B4GALNT3: variants seen among roughly 807,000 people sequenced by gnomAD.
B4GALNT3 encodes the protein beta-1,4-N-acetylgalactosaminyltransferase 3.
Under a neutral mutation model 120.2 loss-of-function variants are expected in B4GALNT3, and 86 were observed. The observed-to-expected ratio is 0.72, with a 90% CI of 0.60 to 0.86. B4GALNT3 has a LOEUF of 0.86. B4GALNT3 is among the 40% of genes least tolerant of loss of function. The pLI is 0.00. For missense variants in B4GALNT3, 1,167 were observed against 1,298.9 expected (o/e 0.90, Z 1.56); for synonymous variants, 518 against 510.4 (o/e 1.01, Z -0.20).
rs140115052 is a variant in B4GALNT3 at position 556,596 on chromosome 12, C to T, written c.2110C>T (p.Leu704=). 1 of 1,614,044 alleles carries T rather than the reference C, an allele frequency of 6.2e-7. No individual in the cohort carries two copies. Among genetic ancestry groups the T allele is most frequent in the Non-Finnish European group, 8.5e-7 (1 of 1,180,024 alleles). The change falls in exon 15 of 20, where the codon CTA becomes TTA. Residue 704 remains leucine, a synonymous_variant. Coordinates refer to ENST00000266383, the MANE Select transcript of B4GALNT3 (RefSeq NM_173593.4). ...GAACGTGGAAAAGCGTCAGGACCAG[C>T]TACGTGGGGGTCGCTACCTCCTGGA... ...IVNVEKRQDQ[L]RGGRYLLELE...
At chr12:544,238 G>A (rs1386560843) in intron 3 of B4GALNT3, 101 bp from the exon 4 acceptor site, 2 of 1,081,142 alleles carry the variant, frequency 1.8e-6, no homozygotes, top group African/African-American at 1.6e-5. Flanking sequence ...TGGAGCTGAG[G>A]GTCTGGGGCG....
chr12:472,550 G>A (rs1946146644), intron 1 of B4GALNT3, among the ~76,000 whole-genome samples: 1 of 152,070 alleles, frequency 6.6e-6, no homozygotes, highest in Non-Finnish European at 1.5e-5. Flanking sequence ...CCATTCTCCT[G>A]CCTCAGCCTC....
intron 1 of B4GALNT3, among the ~76,000 whole-genome samples, chr12:461,708 C>G (rs967006464): frequency 3.3e-5 from 5 of 152,190 alleles, no homozygotes; most frequent in African/African-American, 1.2e-4. Context: ...GGGTGTGGTG[C>G]TGTGCCTTCT....
rs1332331033 is a variant in B4GALNT3 at position 552,602 on chromosome 12, G to C, written c.1270+74G>C. ...ATGGTCTGTTTCCAGGGGATGTTCA[G>C]ACCGTGCCAGCCCCGCCCCTGAGGA... On this transcript the variant is annotated intron_variant, in intron 13 of 19. Coordinates refer to ENST00000266383, the MANE Select transcript of B4GALNT3 (RefSeq NM_173593.4). The C allele has an allele frequency of 5.5e-6, 8 of 1,452,766 alleles. No individual in the cohort carries two copies. The East Asian group carries it at 1.9e-4, about 35-fold the overall frequency. The allele number at this position is 1,452,766 out of a possible 1,614,324, so 90.0% of individuals were successfully genotyped here.
At chr12:526,309 G>T (rs1946758801) in intron 1 of B4GALNT3, among the ~76,000 whole-genome samples, 1 of 152,136 alleles carries the variant, frequency 6.6e-6, no homozygotes, top group Non-Finnish European at 1.5e-5. Flanking sequence ...GCTTACTCCT[G>T]ACCACCACTA....
chr12:544,121 C>A (rs554346330), intron 3 of B4GALNT3, among the ~76,000 whole-genome samples: 1 of 123,544 alleles, frequency 8.1e-6, no homozygotes, highest in Non-Finnish European at 1.8e-5. Context: ...GGAGCTGGGA[C>A]GGGCATGGGG....
At chr12:477,713 A>G (rs564221288) in intron 1 of B4GALNT3, among the ~76,000 whole-genome samples, 1 of 152,366 alleles carries the variant, frequency 6.6e-6, no homozygotes, top group Admixed American at 6.5e-5. Context: ...CCTGGAACAC[A>G]TGAATGATGA....
At chr12:540,817 C>T (rs1313830187) in intron 3 of B4GALNT3, among the ~76,000 whole-genome samples, 2 of 152,058 alleles carry the variant, frequency 1.3e-5, no homozygotes, top group East Asian at 3.9e-4. Flanking sequence ...GATCTCGGCT[C>T]ACTGCAACCT....
At chr12:461,123 C>T (rs1272810044) in intron 1 of B4GALNT3, among the ~76,000 whole-genome samples, 22 of 152,142 alleles carry the variant, frequency 1.4e-4, no homozygotes, top group Admixed American at 1.4e-3. Context: ...TACGTCGCTC[C>T]TCTCCCAGCC....
intron 1 of B4GALNT3, among the ~76,000 whole-genome samples, chr12:494,202 C>T (rs186503315): frequency 2.6e-5 from 4 of 151,166 alleles, no homozygotes; most frequent in East Asian, 1.9e-4. Flanking sequence ...TGCTTGAGCC[C>T]GGAAGGTCAA....
intron 1 of B4GALNT3, among the ~76,000 whole-genome samples, chr12:511,014 T>C (rs1209274901): frequency 7.2e-5 from 1 of 13,914 alleles, no homozygotes; most frequent in Admixed American, 6.6e-4. Flanking sequence ...TTGCCTATTC[T>C]TTTTTTTTTT....
At chr12:560,796 C>T (rs956526975) in intron 19 of B4GALNT3, among the ~76,000 whole-genome samples, 1 of 152,198 alleles carries the variant, frequency 6.6e-6, no homozygotes, top group Non-Finnish European at 1.5e-5. Context: ...TCCAGTTCGG[C>T]CACTCTCAGC....
At chr12:482,900 ATTC>A (rs1946254944) in intron 1 of B4GALNT3, among the ~76,000 whole-genome samples, 1 of 152,008 alleles carries the variant, frequency 6.6e-6, no homozygotes. Flanking sequence ...CACAGGTGTT[ATTC>A]TTCTTTTCTC....
intron 6 of B4GALNT3, among the ~76,000 whole-genome samples, chr12:545,690 TGTG>T (rs1169156707): frequency 3.5e-5 from 3 of 86,466 alleles, no homozygotes; most frequent in African/African-American, 5.9e-5. Context: ...AGGAGCGAGG[TGTG>T]GGGAGGAGTG....
At chr12:560,262 T>G (rs2120752426) in intron 19 of B4GALNT3, among the ~76,000 whole-genome samples, 1 of 152,212 alleles carries the variant, frequency 6.6e-6, no homozygotes, top group South Asian at 2.1e-4. Flanking sequence ...TCAGGAGCAC[T>G]GGGGGCGGGA....
rs140921936 is a variant in B4GALNT3, at chr12:528,007, C to T, written c.170-7159C>T. On this transcript the variant is annotated intron_variant, in intron 1 of 19. Transcript: ENST00000266383. ...ATAGGGGAACAGGGGTAGCTGGTGA[C>T]TCAGTGGGTACCTGACACCGGGTGA... 3.9e-5 allele frequency among the ~76,000 whole-genome samples: 6 copies of T among 151,974 alleles called. No homozygotes were observed. In the East Asian group the frequency reaches 1.2e-3, roughly 29 times the overall value.
intron 1 of B4GALNT3, among the ~76,000 whole-genome samples, chr12:533,888 C>T (rs565420969): frequency 2.5e-4 from 38 of 152,334 alleles, no homozygotes; most frequent in African/African-American, 8.4e-4. Context: ...TCGTGCATAG[C>T]GTGGGTGGCC....
Position 460,160 on chromosome 12 carries a change from C to T in B4GALNT3, c.-217C>T, listed in dbSNP as rs2120391193. On this transcript the variant is annotated 5_prime_UTR_variant, in exon 1 of 20. Coordinates refer to ENST00000266383, the MANE Select transcript of B4GALNT3 (RefSeq NM_173593.4). The surrounding 1 kb of genome is among the most constrained non-coding windows in gnomAD (Gnocchi z 8.0). ...GCGGAGGAGGAGCCGGGCTCGGCTC[C>T]CGGAGAGACCTGCTGGGCGCCCGCG... Among the ~76,000 whole-genome samples, 1 of 150,876 alleles carries T rather than the reference C, an allele frequency of 6.6e-6. No individual in the cohort carries two copies. Among genetic ancestry groups the T allele is most frequent in the East Asian group, 1.9e-4 (1 of 5,138 alleles).
intron 18 of B4GALNT3, 109 bp from the exon 19 acceptor site, chr12:559,186 C>CT: frequency 2.7e-6 from 4 of 1,467,922 alleles, no homozygotes; most frequent in Non-Finnish European, 3.8e-6. Context: ...CTCCCTCAAC[C>CT]CCAGCCTCTG....
Sources: allele counts gnomAD v4.1 joint callset (sites outside exome capture counted in the v4.1 genomes callset), GRCh38; gene constraint gnomAD v4.1.1; non-coding constraint Gnocchi (gnomAD v3.1); transcripts MANE v1.5; gene names NCBI Gene and HGNC (gene_info 2026-07-23, HGNC 2026-07-21).